The following SETX variants were observed in gnomAD, a reference collection of about 807,000 sequenced individuals.
SETX encodes senataxin.
In SETX, 90 loss-of-function variants were observed where a neutral mutation model predicts 227.2. The observed-to-expected ratio is 0.40, with a 90% CI of 0.33 to 0.47. The LOEUF is 0.47. Among genes scored for constraint, SETX ranks in the 20% least tolerant of loss-of-function variants. The pLI is 0.91. For synonymous variants in SETX, 1,210 were observed against 1,113.2 expected (o/e 1.09, Z -1.73); for missense variants, 3,052 against 3,181.5 (o/e 0.96, Z 0.98).
At chr9:132,349,120 CAAAAACAAAAA>C (rs1350149168) in intron 3 of SETX, 121 bp downstream of exon 3, 3 of 949,980 alleles carry the variant, frequency 3.2e-6, no homozygotes, top group Admixed American at 4.6e-5. Context: ...AAAAACAAAA[CAAAAACAAAAA>C]AAAAAACCCA....
chr9:132,305,586 G>A (rs1845289356), intron 11 of SETX, among the ~76,000 whole-genome samples: 1 of 152,216 alleles, frequency 6.6e-6, no homozygotes, highest in African/African-American at 2.4e-5. Context: ...AGACTGAGAA[G>A]AGCACAAACT....
chr9:132,305,885 G>GT (rs1387467075), intron 11 of SETX, among the ~76,000 whole-genome samples: 1 of 152,024 alleles, frequency 6.6e-6, no homozygotes, highest in East Asian at 1.9e-4. Context: ...TTAGCTCTTA[G>GT]TCTACACCAA....
intron 23 of SETX, among the ~76,000 whole-genome samples, chr9:132,274,278 C>A (rs539581370): frequency 7.9e-5 from 12 of 152,090 alleles, no homozygotes; most frequent in African/African-American, 2.9e-4. Context: ...GTAATACTGG[C>A]TTCAAAAAAT....
At chr9:132,338,449 T>C (rs1847769059) in intron 5 of SETX, among the ~76,000 whole-genome samples, 1 of 152,102 alleles carries the variant, frequency 6.6e-6, no homozygotes, top group Non-Finnish European at 1.5e-5. Context: ...AGAAAAGTAA[T>C]TTTCATGTAA....
chr9:132,289,409 CAATA>C (rs1209097519), intron 15 of SETX, among the ~76,000 whole-genome samples: 1 of 152,262 alleles, frequency 6.6e-6, no homozygotes, highest in East Asian at 1.9e-4. Flanking sequence ...CTATTTATTT[CAATA>C]AATAGTGTGG....
rs61487697 is a variant in SETX at position 132,273,970 on chromosome 9, C to CTT, written c.7100+1284_7100+1285dup. ...TTAATAAAAAAAGTTCCTTTGTATT[C>CTT]TTTTTTTTTTTTTAAATCATCAAAG... On this transcript the variant is annotated intron_variant, in intron 23 of 25. Coordinates refer to ENST00000224140, the MANE Select transcript of SETX (RefSeq NM_015046.7). Among the ~76,000 whole-genome samples, 517 of 146,004 alleles carry CTT rather than the reference C, an allele frequency of 3.5e-3. 7 individuals carry two copies. Among genetic ancestry groups the CTT allele is most frequent in the East Asian group, 0.029 (145 of 5,040 alleles).
chr9:132,271,663 G>C (rs532624590), intron 24 of SETX, 47 bp downstream of exon 24: 1 of 1,452,836 alleles, frequency 6.9e-7, no homozygotes, highest in East Asian at 2.3e-5. Context: ...CTATAAACAA[G>C]CAACAATGTA....
At chr9:132,281,617 G>C (rs1200615387) in intron 19 of SETX, 43 bp from the exon 20 acceptor site, 2 of 1,350,438 alleles carry the variant, frequency 1.5e-6, no homozygotes, top group Non-Finnish European at 2.1e-6. Flanking sequence ...AACAATCTTT[G>C]CTATTTATCC....
At chr9:132,353,138 A>T (rs1183867322) in intron 2 of SETX, among the ~76,000 whole-genome samples, 2 of 152,160 alleles carry the variant, frequency 1.3e-5, no homozygotes, top group Admixed American at 6.6e-5. Flanking sequence ...CTCCTCCTCC[A>T]ATGTTGGGAT....
rs562878981 is a variant in SETX, at chr9:132,293,789, G to A, written c.6106+2083C>T. On this transcript the variant is annotated intron_variant, in intron 15 of 25. Coordinates refer to ENST00000224140, the MANE Select transcript of SETX (RefSeq NM_015046.7). ...TGTAACCCCAGCACTTTGGGAGGCCGAGGCAGGCAGATCACGAGGTCAGGA... is the reference window on the plus strand; with the variant it reads ...TGTAACCCCAGCACTTTGGGAGGCCAAGGCAGGCAGATCACGAGGTCAGGA... 6.5e-3 allele frequency among the ~76,000 whole-genome samples: 996 copies of A among 152,268 alleles called. 8 individuals are homozygous for A. Among genetic ancestry groups the A allele is most frequent in the Middle Eastern group, 0.061 (18 of 294 alleles).
rs935371735 is a variant in SETX at position 132,338,567 on chromosome 9, T to C, written c.499-2052A>G. ...TTGCAAATGCATGACCTCTCCAAAA[T>C]TGTATTCTCAGGCTATCACACAAAA... On this transcript the variant is annotated intron_variant, in intron 5 of 25. Coordinates refer to ENST00000224140, the MANE Select transcript of SETX (RefSeq NM_015046.7). Among the ~76,000 whole-genome samples the C allele has an allele frequency of 3.9e-5, 6 of 152,142 alleles. No homozygotes were observed. The South Asian group carries it at 1.2e-3, about 32-fold the overall frequency.
upstream of SETX, among the ~76,000 whole-genome samples, chr9:132,356,159 TATAA>T (rs1384560064): frequency 7.9e-5 from 12 of 151,932 alleles, no homozygotes; most frequent in Non-Finnish European, 1.6e-4. Flanking sequence ...CAGAAAAGTC[TATAA>T]ATAAATAAAA....
At chr9:132,325,333 G>A (rs1846661365) in intron 10 of SETX, among the ~76,000 whole-genome samples, 1 of 152,048 alleles carries the variant, frequency 6.6e-6, no homozygotes, top group Admixed American at 6.5e-5. Context: ...TCCAGCCTGG[G>A]CGACAGAGCG....
At position 132,310,589 on chromosome 9, in the gene SETX, C is replaced by T. The variant is rs541317688; in HGVS notation, c.5374+1168G>A. On this transcript the variant is annotated intron_variant, in intron 11 of 25. Transcript: ENST00000224140. ...GATTTTAGGACAGTTCTCATCATTC[C>T]CTAATAAAAATGGCTCACTGTTACT... 1.2e-4 allele frequency among the ~76,000 whole-genome samples: 18 copies of T among 152,274 alleles called. No individual in the cohort carries two copies. In the South Asian group the frequency reaches 1.5e-3, roughly 12 times the overall value.
At chr9:132,354,375 G>A (rs923284052) in intron 1 of SETX, among the ~76,000 whole-genome samples, 2 of 151,770 alleles carry the variant, frequency 1.3e-5, no homozygotes, top group African/African-American at 4.8e-5. Flanking sequence ...GCGCGCCTAT[G>A]GTCCCAGTTA....
rs578036225 is a variant in SETX at position 132,300,292 on chromosome 9, T to C, written c.5548+338A>G. 2.6e-5 allele frequency among the ~76,000 whole-genome samples: 4 copies of C among 152,314 alleles called. No individual in the cohort carries two copies. In the South Asian group the frequency reaches 8.3e-4, roughly 32 times the overall value. On this transcript the variant is annotated intron_variant, in intron 12 of 25. Coordinates refer to ENST00000224140, the MANE Select transcript of SETX (RefSeq NM_015046.7). ...CCTCAAGCTGCCTTACAGTGAGTTT[T>C]ATGTTTGGTCATCTCATTAGTAATT...
At chr9:132,304,810 C>A (rs941547054) in intron 11 of SETX, among the ~76,000 whole-genome samples, 2 of 151,646 alleles carry the variant, frequency 1.3e-5, no homozygotes, top group African/African-American at 4.9e-5. Flanking sequence ...CCAGCCTAGC[C>A]AAAATGGCAA....
chr9:132,313,314 A>T (rs117074306), intron 10 of SETX, among the ~76,000 whole-genome samples: 436 of 152,342 alleles, frequency 2.9e-3, no homozygotes, highest in Middle Eastern at 6.8e-3. Flanking sequence ...AAATTTTATC[A>T]CAAGAGATTT....
At chr9:132,283,055 G>A in intron 19 of SETX, 1 of 609,480 alleles carries the variant, frequency 1.6e-6, no homozygotes, top group Non-Finnish European at 2.9e-6. Context: ...TCATCCTCAA[G>A]ACTAACCCCC....
Sources: allele counts gnomAD v4.1 joint callset (sites outside exome capture counted in the v4.1 genomes callset), GRCh38; gene constraint gnomAD v4.1.1; transcripts MANE v1.5; gene names NCBI Gene and HGNC (gene_info 2026-07-23, HGNC 2026-07-21).